PKHD1L1: variants seen among roughly 807,000 people sequenced by gnomAD.
PKHD1L1 encodes the protein fibrocystin-L.
In PKHD1L1, 434 loss-of-function variants were observed where a neutral mutation model predicts 462.9. The observed-to-expected ratio is 0.94, with a 90% CI of 0.87 to 1.02. The LOEUF (loss-of-function observed/expected upper bound fraction) is 1.02. PKHD1L1 is among the 50% of genes least tolerant of loss of function. The probability of loss-of-function intolerance (pLI) is 0.00; values close to 1 mark genes in which losing one functional copy is unlikely to be tolerated. For synonymous variants in PKHD1L1, 1,781 were observed against 1,750.0 expected (o/e 1.02, Z -0.44); for missense variants, 5,202 against 5,096.1 (o/e 1.02, Z -0.63).
chr8:109,428,615 C>T (rs1265038399), intron 25 of PKHD1L1, among the ~76,000 whole-genome samples: 1 of 152,140 alleles, frequency 6.6e-6, no homozygotes, highest in Non-Finnish European at 1.5e-5. Context: ...GAAGATAGGT[C>T]TAGTGACTGA....
At chr8:109,396,375 G>A (rs929943308) in intron 11 of PKHD1L1, among the ~76,000 whole-genome samples, 1 of 152,154 alleles carries the variant, frequency 6.6e-6, no homozygotes, top group African/African-American at 2.4e-5. Context: ...GGCACCAACA[G>A]GCTTTGTGTA....
At chr8:109,470,205 T>C in intron 50 of PKHD1L1, 2 of 945,910 alleles carry the variant, frequency 2.1e-6, no homozygotes, top group Non-Finnish European at 3.2e-6. Context: ...CTGCTTTTGA[T>C]ACCAGTTACT....
At chr8:109,388,657 A>G in intron 7 of PKHD1L1, 107 bp downstream of exon 7, 1 of 777,436 alleles carries the variant, frequency 1.3e-6, no homozygotes, top group East Asian at 2.7e-5. Flanking sequence ...GGTTTATAAT[A>G]CAGTATAAAT....
At chr8:109,424,027 T>G (rs1814612974) in intron 23 of PKHD1L1, among the ~76,000 whole-genome samples, 1 of 152,138 alleles carries the variant, frequency 6.6e-6, no homozygotes, top group African/African-American at 2.4e-5. Flanking sequence ...TTCAACACAT[T>G]TTTACAAAGT....
intron 32 of PKHD1L1, among the ~76,000 whole-genome samples, chr8:109,440,357 C>A (rs541491623): frequency 6.6e-6 from 1 of 151,998 alleles, no homozygotes; most frequent in Admixed American, 6.6e-5. Context: ...AGCAGAGCTG[C>A]CTTTTTGTTT....
chr8:109,383,146 A>AATATATATAT (rs1563723718), intron 4 of PKHD1L1, among the ~76,000 whole-genome samples: 1 of 70,074 alleles, frequency 1.4e-5, no homozygotes, highest in East Asian at 3.1e-4. Flanking sequence ...TATTGTATAT[A>AATATATATAT]TTATATATAT....
chr8:109,379,918 T>C (rs776138248), intron 2 of PKHD1L1, among the ~76,000 whole-genome samples: 4 of 152,120 alleles, frequency 2.6e-5, no homozygotes, highest in Admixed American at 6.6e-5. Flanking sequence ...GAATTCAGGG[T>C]ATTCATAGGG....
chr8:109,448,008 A>G (rs1816249708), intron 38 of PKHD1L1, 135 bp from the exon 39 acceptor site: 1 of 732,542 alleles, frequency 1.4e-6, no homozygotes, highest in Non-Finnish European at 2.2e-6. Flanking sequence ...ATGACATAGC[A>G]TGTATTGTTA....
At position 109,497,181 on chromosome 8, in the gene PKHD1L1, C is replaced by T; in HGVS notation, c.10508C>T (p.Thr3503Ile). 1 of 1,613,558 alleles carries T rather than the reference C, an allele frequency of 6.2e-7. No homozygotes were observed. Among genetic ancestry groups the T allele is most frequent in the Non-Finnish European group, 8.5e-7 (1 of 1,179,718 alleles). ...GAGAGTGTGCACATTTATAATGTGA[C>T]CCTGGTTGACAATGGAATGGCCATT... ...TTESVHIYNV[T>I]LVDNGMAIFP... The change falls in exon 65 of 78, where the codon ACC becomes ATC. Residue 3503 changes from threonine to isoleucine, a missense_variant. Coordinates refer to ENST00000378402, the MANE Select transcript of PKHD1L1 (RefSeq NM_177531.6).
intron 39 of PKHD1L1, among the ~76,000 whole-genome samples, chr8:109,448,602 C>A (rs1369719209): frequency 6.6e-6 from 1 of 151,374 alleles, no homozygotes; most frequent in African/African-American, 2.4e-5. Flanking sequence ...AGCTCTGCCT[C>A]CCAGGTTCAC....
Position 109,499,072 on chromosome 8 carries a change from G to C in PKHD1L1, c.10828+301G>C, listed in dbSNP as rs573904702. 7 of 287,200 alleles carry C rather than the reference G, an allele frequency of 2.4e-5. No individual in the cohort carries two copies. The East Asian group carries it at 5.3e-4, about 22-fold the overall frequency. The allele number at this position is 287,200 out of a possible 1,614,324, so 17.8% of individuals were successfully genotyped here. A position where few individuals can be genotyped will look rare whatever the true frequency, so the allele number is the denominator to read the frequency against. On this transcript the variant is annotated intron_variant, in intron 67 of 77. Coordinates refer to ENST00000378402, the MANE Select transcript of PKHD1L1 (RefSeq NM_177531.6). Reference sequence around the variant, plus strand: ...TGTAAATGCCCTTTCATGTAAGTAGGATTATATATTATCATCCCTTTTTAA... The same window carrying C: ...TGTAAATGCCCTTTCATGTAAGTAGCATTATATATTATCATCCCTTTTTAA...
At chr8:109,416,447 A>G (rs1814174458) in intron 21 of PKHD1L1, among the ~76,000 whole-genome samples, 1 of 152,224 alleles carries the variant, frequency 6.6e-6, no homozygotes. Flanking sequence ...AATTAACAAT[A>G]TCAATTCTTC....
chr8:109,510,467 G>A (rs568707382), intron 70 of PKHD1L1, among the ~76,000 whole-genome samples: 115 of 152,118 alleles, frequency 7.6e-4, no homozygotes, highest in Admixed American at 1.8e-3. Context: ...AGAGATATAT[G>A]GAAATCTACT....
At chr8:109,395,258 A>G (rs554449525) in intron 10 of PKHD1L1, among the ~76,000 whole-genome samples, 1 of 152,240 alleles carries the variant, frequency 6.6e-6, no homozygotes, top group Non-Finnish European at 1.5e-5. Context: ...CAAGACAATC[A>G]TAATTTAATT....
chr8:109,372,004 T>C (rs1230603125), intron 2 of PKHD1L1, among the ~76,000 whole-genome samples: 2 of 152,154 alleles, frequency 1.3e-5, no homozygotes, highest in East Asian at 3.9e-4. Flanking sequence ...TTTGGTTCCA[T>C]ATGAACTTCA....
In PKHD1L1 at chr8:109,408,215, T is replaced by C. The variant is rs754844782; in HGVS notation, c.1971+9T>C. On this transcript the variant is annotated intron_variant, in intron 18 of 77. Transcript: ENST00000378402. ...GGTCATCAGAAGCTGAAGTACGGTGTAGGAATGTTTCTACCACGCATTTTC... is the reference window on the plus strand; with the variant it reads ...GGTCATCAGAAGCTGAAGTACGGTGCAGGAATGTTTCTACCACGCATTTTC... The C allele has an allele frequency of 6.2e-7, 1 of 1,606,734 alleles. No homozygotes were observed. The highest frequency in any genetic ancestry group is 8.5e-7 in the Non-Finnish European group (1 of 1,175,646).
intron 30 of PKHD1L1, 127 bp downstream of exon 30, chr8:109,436,586 T>C: frequency 2.1e-6 from 3 of 1,428,936 alleles, no homozygotes; most frequent in Non-Finnish European, 2.8e-6. Flanking sequence ...GTTTCTATTA[T>C]GCTCCTTAAA....
At position 109,380,154 on chromosome 8, in the gene PKHD1L1, A is replaced by C. The variant is rs180728929; in HGVS notation, c.164-1216A>C. 9.2e-5 allele frequency among the ~76,000 whole-genome samples: 14 copies of C among 152,046 alleles called. No individual in the cohort carries two copies. The East Asian group carries it at 2.7e-3, about 29-fold the overall frequency. On this transcript the variant is annotated intron_variant, in intron 2 of 77. Coordinates refer to ENST00000378402, the MANE Select transcript of PKHD1L1 (RefSeq NM_177531.6). ...TTTAGGACTAATTATAGAGTAGTAT[A>C]GCCTGTAGCTTGTCCCTCTAACCCT...
chr8:109,393,919 G>A (rs1440176690), intron 9 of PKHD1L1, among the ~76,000 whole-genome samples: 1 of 152,090 alleles, frequency 6.6e-6, no homozygotes, highest in Non-Finnish European at 1.5e-5. Flanking sequence ...GCTCACGCCT[G>A]TAATCCCAGC....
Sources: allele counts gnomAD v4.1 joint callset (sites outside exome capture counted in the v4.1 genomes callset), GRCh38; gene constraint gnomAD v4.1.1; transcripts MANE v1.5; gene names NCBI Gene and HGNC (gene_info 2026-07-23, HGNC 2026-07-21).